The following DNAL1 variants were observed in gnomAD, a reference collection of about 807,000 sequenced individuals.
DNAL1 encodes chromosome 14 open reading frame 168.
In DNAL1, 17 loss-of-function variants were observed where a neutral mutation model predicts 29.4. The observed-to-expected ratio is 0.58, with a 90% confidence interval of 0.40 to 0.87. DNAL1 has a LOEUF of 0.87. Among genes scored for constraint, DNAL1 ranks in the 40% least tolerant of loss-of-function variants. The probability of loss-of-function intolerance (pLI) is 0.00; values close to 1 mark genes in which losing one functional copy is unlikely to be tolerated. For synonymous variants in DNAL1, 78 were observed against 76.3 expected (o/e 1.02, Z -0.12); for missense variants, 188 against 214.1 (o/e 0.88, Z 0.76).
intron 1 of DNAL1, among the ~76,000 whole-genome samples, chr14:73,649,148 T>A (rs923151391): frequency 1.3e-5 from 2 of 150,458 alleles, no homozygotes; most frequent in Non-Finnish European, 3.0e-5. Context: ...CTAATTTTCA[T>A]ATTTTTAGTA....
At chr14:73,695,442 G>C (rs1326535042) in intron 7 of DNAL1, among the ~76,000 whole-genome samples, 3 of 152,090 alleles carry the variant, frequency 2.0e-5, no homozygotes. Context: ...ATTCCCCTGA[G>C]AAGCTTTTCA....
At chr14:73,661,431 A>T (rs1412615164) in intron 3 of DNAL1, among the ~76,000 whole-genome samples, 1 of 152,136 alleles carries the variant, frequency 6.6e-6, no homozygotes, top group African/African-American at 2.4e-5. Flanking sequence ...TTGGTCAAGA[A>T]ATGTATGCAT....
chr14:73,657,278 T>A (rs932892206), intron 2 of DNAL1, among the ~76,000 whole-genome samples: 28 of 152,210 alleles, frequency 1.8e-4, no homozygotes, highest in Admixed American at 4.6e-4. Context: ...TGAGCTCAAG[T>A]GATCCTCCCA....
intron 5 of DNAL1, 45 bp from the exon 6 acceptor site, chr14:73,687,214 G>A: frequency 1.2e-6 from 2 of 1,602,140 alleles, no homozygotes; most frequent in Non-Finnish European, 1.7e-6. Flanking sequence ...AAGACAGAAA[G>A]AAAAGCTTAA....
At chr14:73,692,665 A>T (rs1892203133) in intron 7 of DNAL1, among the ~76,000 whole-genome samples, 3 of 152,008 alleles carry the variant, frequency 2.0e-5, no homozygotes, top group African/African-American at 7.2e-5. Flanking sequence ...GAATAGACAA[A>T]GCTACATTAT....
chr14:73,658,431 T>C (rs76184331), intron 2 of DNAL1, among the ~76,000 whole-genome samples: 4,870 of 152,306 alleles, frequency 0.032, 131 homozygotes, highest in South Asian at 0.11. Context: ...TTTTCTATTC[T>C]GTGAAAAATG....
intron 1 of DNAL1, among the ~76,000 whole-genome samples, chr14:73,649,573 C>G (rs181743227): frequency 1.3e-5 from 2 of 152,038 alleles, no homozygotes; most frequent in Non-Finnish European, 2.9e-5. Context: ...TGAGCCACCG[C>G]GCCCGGGCTG....
At chr14:73,686,595 A>G (rs573214556) in intron 5 of DNAL1, among the ~76,000 whole-genome samples, 6 of 152,284 alleles carry the variant, frequency 3.9e-5, no homozygotes, top group East Asian at 3.9e-4. Flanking sequence ...AGTCCCAGCT[A>G]CTAGGGAGGC....
chr14:73,679,456 C>T (rs1392947051), intron 5 of DNAL1, among the ~76,000 whole-genome samples: 1 of 151,818 alleles, frequency 6.6e-6, no homozygotes, highest in Non-Finnish European at 1.5e-5. Flanking sequence ...GTGGAAGCAA[C>T]CTAAGTGTTC....
chr14:73,687,066 A>G (rs796280377), intron 5 of DNAL1, among the ~76,000 whole-genome samples, 193 bp from the exon 6 acceptor site: 2 of 150,780 alleles, frequency 1.3e-5, no homozygotes, highest in Admixed American at 6.6e-5. Flanking sequence ...ATTAGTTTGA[A>G]GAAGGGAATG....
chr14:73,665,542 G>A (rs1891456782), intron 4 of DNAL1, among the ~76,000 whole-genome samples: 1 of 152,124 alleles, frequency 6.6e-6, no homozygotes, highest in Admixed American at 6.6e-5. Flanking sequence ...TGTAATCCCA[G>A]CACTTTGGGA....
Position 73,696,087 on chromosome 14 carries a change from C to G in DNAL1, c.*145C>G. On this transcript the variant is annotated 3_prime_UTR_variant, in exon 8 of 8. Coordinates refer to ENST00000553645, the MANE Select transcript of DNAL1 (RefSeq NM_031427.4). ...ATCACTCATTCTCATCTTTTTTTTTCCTTTAACTTATTCAGTGTTTCTCCC... is the reference window on the plus strand; with the variant it reads ...ATCACTCATTCTCATCTTTTTTTTTGCTTTAACTTATTCAGTGTTTCTCCC... 1 of 745,462 alleles carries G rather than the reference C, an allele frequency of 1.3e-6. No homozygotes were observed. The highest frequency in any genetic ancestry group is 2.2e-5 in the South Asian group (1 of 45,726). The allele number at this position is 745,462 out of a possible 1,614,324, so 46.2% of individuals were successfully genotyped here.
chr14:73,691,184 C>T (rs1473599442), intron 7 of DNAL1, among the ~76,000 whole-genome samples: 1 of 152,144 alleles, frequency 6.6e-6, no homozygotes, highest in East Asian at 1.9e-4. Flanking sequence ...ATAAAATAAT[C>T]TATGTGAAAC....
chr14:73,649,272 C>T (rs1382592991), intron 1 of DNAL1, among the ~76,000 whole-genome samples: 3 of 145,232 alleles, frequency 2.1e-5, no homozygotes, highest in Non-Finnish European at 3.0e-5. Context: ...CAGTGCCCGG[C>T]TGATGTGTTT....
chr14:73,696,038 C>A lies in DNAL1; in HGVS notation c.*96C>A. The A allele has an allele frequency of 8.6e-7, 1 of 1,163,038 alleles. No individual in the cohort carries two copies. The highest frequency in any genetic ancestry group is 1.2e-6 in the Non-Finnish European group (1 of 828,062). 72.0% of individuals were successfully genotyped at this position (1,163,038 alleles called of 1,614,324 possible). A position where few individuals can be genotyped will look rare whatever the true frequency, so the allele number is the denominator to read the frequency against. ...TCTATTTTAAAGATTCTGTATGGGACAAAAGTTTCTTAAGATAAAACAGAT... is the reference window on the plus strand; with the variant it reads ...TCTATTTTAAAGATTCTGTATGGGAAAAAAGTTTCTTAAGATAAAACAGAT... On this transcript the variant is annotated 3_prime_UTR_variant, in exon 8 of 8. Transcript: ENST00000553645.
rs1892337972 is a variant in DNAL1, at chr14:73,697,794, GTTTTC to G, written c.*1859_*1863del. The G allele has an allele frequency of 7.0e-6, 1 of 142,934 alleles. No individual in the cohort carries two copies. The highest frequency in any genetic ancestry group is 2.1e-4 in the East Asian group (1 of 4,846). 8.9% of individuals were successfully genotyped at this position (142,934 alleles called of 1,614,324 possible). A position where few individuals can be genotyped will look rare whatever the true frequency, so the allele number is the denominator to read the frequency against. ...GAAAACTTGGTCTAACACCCTTTTA[GTTTTC>G]TTTTCTCTCTTCTTTTCAATCTGAT... On this transcript the variant is annotated 3_prime_UTR_variant, in exon 8 of 8. Transcript: ENST00000553645.
At chr14:73,672,372 G>A (rs62004923) in intron 5 of DNAL1, among the ~76,000 whole-genome samples, 18,136 of 151,978 alleles carry the variant, frequency 0.12, 2,151 homozygotes, top group East Asian at 0.63. Flanking sequence ...TTGGGAGGCC[G>A]AGGCAGGCAG....
At chr14:73,679,743 T>G (rs1891832190) in intron 5 of DNAL1, among the ~76,000 whole-genome samples, 1 of 152,214 alleles carries the variant, frequency 6.6e-6, no homozygotes, top group African/African-American at 2.4e-5. Flanking sequence ...GTTTCAGTGT[T>G]TTGTATTTTA....
chr14:73,698,708 T>A lies in DNAL1; in HGVS notation c.*2766T>A, dbSNP rs943845802. On this transcript the variant is annotated 3_prime_UTR_variant, in exon 8 of 8. Coordinates refer to ENST00000553645, the MANE Select transcript of DNAL1 (RefSeq NM_031427.4). ...ACCTGCCCACATCGGCCTCCCAAAGTGCTGGGATTACAGGCATGAGCCACC... is the reference window on the plus strand; with the variant it reads ...ACCTGCCCACATCGGCCTCCCAAAGAGCTGGGATTACAGGCATGAGCCACC... The A allele has an allele frequency of 3.3e-5, 5 of 152,122 alleles. No homozygotes were observed. Among genetic ancestry groups the A allele is most frequent in the Admixed American group, 2.0e-4 (3 of 15,270 alleles). The allele number at this position is 152,122 out of a possible 1,614,324, so 9.4% of individuals were successfully genotyped here.
Sources: allele counts gnomAD v4.1 joint callset (sites outside exome capture counted in the v4.1 genomes callset), GRCh38; gene constraint gnomAD v4.1.1; transcripts MANE v1.5; gene names NCBI Gene and HGNC (gene_info 2026-07-23, HGNC 2026-07-21).